Variants in UFSP2 observed in about 807,000 individuals in gnomAD.
The protein encoded by UFSP2 is ufm1-specific protease 2.
Under a neutral mutation model 60.2 loss-of-function variants are expected in UFSP2, and 43 were observed. The observed-to-expected ratio is 0.71, with a 90% CI of 0.56 to 0.92. UFSP2 has a LOEUF of 0.92. Among genes scored for constraint, UFSP2 ranks in the 40% least tolerant of loss-of-function variants. The pLI is 0.00. For synonymous variants in UFSP2, 183 were observed against 195.1 expected, an observed-to-expected ratio of 0.94 and a Z score of 0.52; for missense variants, 520 against 575.0, an observed-to-expected ratio of 0.90 and a Z score of 0.98.
At chr4:185,415,920 AAAGAGT>A (rs1257966866) in intron 4 of UFSP2, 53 bp from the exon 5 acceptor site, 6 of 1,428,028 alleles carry the variant, frequency 4.2e-6, no homozygotes, top group Non-Finnish European at 5.7e-6. Context: ...CACTAAATAT[AAAGAGT>A]AAGTAAAAAG....
intron 4 of UFSP2, among the ~76,000 whole-genome samples, chr4:185,418,230 T>TA (rs765631662): frequency 2.0e-5 from 3 of 152,130 alleles, no homozygotes; most frequent in East Asian, 3.9e-4. Flanking sequence ...GAAAGCATTA[T>TA]AAAAAAACCC....
At chr4:185,408,117 G>A (rs1242411938) in intron 8 of UFSP2, 57 bp from the exon 9 acceptor site, 15 of 1,582,546 alleles carry the variant, frequency 9.5e-6, no homozygotes, top group South Asian at 3.4e-5. Flanking sequence ...TAAAAACGAT[G>A]TTTAGGGCAT....
chr4:185,417,581 C>A (rs988871249), intron 4 of UFSP2, among the ~76,000 whole-genome samples: 2 of 152,186 alleles, frequency 1.3e-5, no homozygotes, highest in African/African-American at 2.4e-5. Flanking sequence ...GGCCCACGCC[C>A]ACCTCTCCAG....
chr4:185,404,539 G>C, intron 10 of UFSP2, among the ~76,000 whole-genome samples: 1 of 151,562 alleles, frequency 6.6e-6, no homozygotes, highest in South Asian at 2.1e-4. Flanking sequence ...CCTCGTGATC[G>C]ACCCACCTTG....
At chr4:185,418,071 C>CACACACACACACACACACACACACA (rs761008119) in intron 4 of UFSP2, among the ~76,000 whole-genome samples, 1 of 151,700 alleles carries the variant, frequency 6.6e-6, no homozygotes, top group African/African-American at 2.4e-5. Flanking sequence ...CACACACAAA[C>CACACACACACACACACACACACACA]AACAGAACCA....
At chr4:185,425,568 A>C (rs1444882732) in intron 1 of UFSP2, among the ~76,000 whole-genome samples, 2 of 152,216 alleles carry the variant, frequency 1.3e-5, no homozygotes, top group Non-Finnish European at 2.9e-5. Flanking sequence ...TCCCAGGTTA[A>C]GCCCTTCTTG....
In UFSP2 at chr4:185,400,228, G is replaced by A; in HGVS notation, c.*164C>T. 1 of 714,306 alleles carries A rather than the reference G, an allele frequency of 1.4e-6. No individual in the cohort carries two copies. The highest frequency in any genetic ancestry group is 2.7e-5 in the East Asian group (1 of 36,458). The allele number at this position is 714,306 out of a possible 1,614,324, so 44.2% of individuals were successfully genotyped here. A position where few individuals can be genotyped will look rare whatever the true frequency, so the allele number is the denominator to read the frequency against. On this transcript the variant is annotated 3_prime_UTR_variant, in exon 12 of 12. Coordinates refer to ENST00000264689, the MANE Select transcript of UFSP2 (RefSeq NM_018359.5). ...TGCTTTGTCTTTTAAGTTATTAAAG[G>A]AACGTCTAAAAAATACATTCTCCGT... is the stretch of plus-strand genomic sequence containing the variant.
chr4:185,415,920 A>G, intron 4 of UFSP2, 53 bp from the exon 5 acceptor site: 1 of 1,428,146 alleles, frequency 7.0e-7, no homozygotes, highest in Non-Finnish European at 9.5e-7. Flanking sequence ...CACTAAATAT[A>G]AAGAGTAAGT....
In UFSP2 at chr4:185,415,636, T is replaced by TA. The variant is rs939255393; in HGVS notation, c.491+73dup. ...GAGAAAATCACACCTTAGGTATACCTACAGGATATACAAACATGGGTTTGG... is the reference window on the plus strand; with the variant it reads ...GAGAAAATCACACCTTAGGTATACCTAACAGGATATACAAACATGGGTTTGG... On this transcript the variant is annotated intron_variant, in intron 5 of 11. Transcript: ENST00000264689. 4.6e-6 allele frequency: 6 copies of TA among 1,308,008 alleles called. No individual in the cohort carries two copies. In the African/African-American group the frequency reaches 7.4e-5, roughly 16 times the overall value. The allele number at this position is 1,308,008 out of a possible 1,614,324, so 81.0% of individuals were successfully genotyped here.
At chr4:185,404,292 A>ATT (rs2095517333) in intron 10 of UFSP2, among the ~76,000 whole-genome samples, 1 of 122,360 alleles carries the variant, frequency 8.2e-6, no homozygotes, top group African/African-American at 3.1e-5. Context: ...CCATTCATTA[A>ATT]GTTTTTTTTT....
At chr4:185,402,434 G>C (rs2095514459) in intron 11 of UFSP2, 2 of 392,982 alleles carry the variant, frequency 5.1e-6, no homozygotes. Flanking sequence ...ATAAACAAAA[G>C]ACTTCAGTAA....
intron 1 of UFSP2, among the ~76,000 whole-genome samples, chr4:185,424,764 T>C (rs2095556162): frequency 6.6e-6 from 1 of 152,236 alleles, no homozygotes; most frequent in Admixed American, 6.5e-5. Flanking sequence ...TTAACTCTGC[T>C]ACTTACTGTA....
At position 185,399,929 on chromosome 4, in the gene UFSP2, G is replaced by T; in HGVS notation, c.*463C>A. On this transcript the variant is annotated 3_prime_UTR_variant, in exon 12 of 12. Coordinates refer to ENST00000264689, the MANE Select transcript of UFSP2 (RefSeq NM_018359.5). ...CTGGTTATACTTACCAGAGTCTAGA[G>T]ACCAAAAATGGGACTGCATGGTGGA... 6.4e-7 allele frequency: 1 copy of T among 1,554,636 alleles called. No individual in the cohort carries two copies. Among genetic ancestry groups the T allele is most frequent in the South Asian group, 1.2e-5 (1 of 81,770 alleles).
chr4:185,422,824 G>T (rs2095551909), intron 1 of UFSP2, among the ~76,000 whole-genome samples: 1 of 152,228 alleles, frequency 6.6e-6, no homozygotes. Context: ...TACCCCCAGA[G>T]ATTCTGATTA....
intron 4 of UFSP2, among the ~76,000 whole-genome samples, chr4:185,418,069 A>ACACACACACACACACAC (rs1422329406): frequency 2.6e-4 from 6 of 22,780 alleles, no homozygotes; most frequent in Non-Finnish European, 4.6e-4. Context: ...CACACACACA[A>ACACACACACACACACAC]ACAACAGAAC....
At chr4:185,404,460 G>C (rs1003227572) in intron 10 of UFSP2, among the ~76,000 whole-genome samples, 1 of 151,306 alleles carries the variant, frequency 6.6e-6, no homozygotes, top group Admixed American at 6.6e-5. Flanking sequence ...CACACCCAGC[G>C]AATTTTTTGT....
Position 185,399,942 on chromosome 4 carries a change from A to T in UFSP2, c.*450T>A. 6.4e-7 allele frequency: 1 copy of T among 1,567,204 alleles called. No homozygotes were observed. Among genetic ancestry groups the T allele is most frequent in the Non-Finnish European group, 8.6e-7 (1 of 1,161,534 alleles). ...CCAGAGTCTAGAGACCAAAAATGGG[A>T]CTGCATGGTGGAAGTTTGGGGATAA... is the stretch of plus-strand genomic sequence containing the variant. On this transcript the variant is annotated 3_prime_UTR_variant, in exon 12 of 12. Transcript: ENST00000264689.
Position 185,415,292 on chromosome 4 carries a change from A to G in UFSP2, c.547T>C (p.Cys183Arg). The G allele has an allele frequency of 6.2e-7, 1 of 1,601,906 alleles. No homozygotes were observed. The highest frequency in any genetic ancestry group is 8.5e-7 in the Non-Finnish European group (1 of 1,177,392). The stretch of plus-strand genomic sequence containing the variant: ...GTTCCTTTCATATATTTCAAAATAC[A>G]TTTTTCCATGTCAGTTAGTTGATTA... ...IHNQLTDMEK[C>R]ILKYMKGTSI... Residue 183 changes from cysteine to arginine, a missense_variant, in exon 6 of 12, where the codon TGT becomes CGT. By Grantham distance (180) the Cys-to-Arg change is radical. Transcript: ENST00000264689.
chr4:185,408,297 T>C lies in UFSP2; in HGVS notation c.970A>G (p.Ile324Val). 6.2e-7 allele frequency: 1 copy of C among 1,614,216 alleles called. No homozygotes were observed. Among genetic ancestry groups the C allele is most frequent in the Non-Finnish European group, 8.5e-7 (1 of 1,180,020 alleles). The change falls in exon 8 of 12, where the codon ATT (isoleucine) becomes GTT (valine). Residue 324 changes from isoleucine (I) to valine (V), a missense_variant. By Grantham distance (29) the Ile-to-Val change is conservative. Transcript: ENST00000264689. The stretch of plus-strand genomic sequence containing the variant: ...TGCTGAATTTCTCTGTGTGTTGGAA[T>C]GGACCTCTCTGTGTATCCCTGATGT... ...FKHQGYTERS[I>V]PTHREIQQAL...
Sources: gnomAD v4.1 joint callset for allele counts (sites outside exome capture counted in the v4.1 genomes callset) on GRCh38, gnomAD v4.1.1 for gene constraint, MANE v1.5 for transcripts, NCBI Gene and HGNC (gene_info 2026-07-23, HGNC 2026-07-21) for gene names.